MOB1B: variants seen among roughly 807,000 people sequenced by gnomAD.
MOB1B encodes the protein MOB1 Mps One Binder homolog B.
A neutral mutation model predicts 24.4 loss-of-function variants in MOB1B; 19 were observed. That is an observed-to-expected ratio of 0.78 (90% CI 0.54 to 1.14). The LOEUF (loss-of-function observed/expected upper bound fraction) is 1.14, where lower values mean the gene tolerates loss of function less well. Ranked by LOEUF, MOB1B falls within the 50% of genes most tolerant of loss-of-function variation. The pLI is 0.00. For missense variants in MOB1B, 243 were observed against 259.6 expected, an observed-to-expected ratio of 0.94 and a Z score of 0.44; for synonymous variants, 76 against 82.1, an observed-to-expected ratio of 0.93 and a Z score of 0.40.
In MOB1B at chr4:70,976,414, G is replaced by A. The variant is rs930087003; in HGVS notation, c.409+1128G>A. ...CTTACAGATTCAGATATTAAGCTATGTGAGAAGAAAACAAGATTTGAGGGG... is the reference window on the plus strand; with the variant it reads ...CTTACAGATTCAGATATTAAGCTATATGAGAAGAAAACAAGATTTGAGGGG... On this transcript the variant is annotated intron_variant, in intron 4 of 5. Transcript: ENST00000309395. 1.8e-5 allele frequency: 18 copies of A among 985,316 alleles called. No individual in the cohort carries two copies. In the Admixed American group the frequency reaches 8.0e-4, roughly 44 times the overall value. The allele number at this position is 985,316 out of a possible 1,614,324, so 61.0% of individuals were successfully genotyped here.
At chr4:70,902,335 C>A, upstream of MOB1B, 2 of 660,152 alleles carry the variant, frequency 3.0e-6, no homozygotes, top group Non-Finnish European at 5.5e-6. Context: ...TGATTCAAGA[C>A]GAGCGCTACC....
At chr4:70,930,845 G>A (rs1027451911) in intron 1 of MOB1B, among the ~76,000 whole-genome samples, 3 of 151,826 alleles carry the variant, frequency 2.0e-5, no homozygotes, top group Non-Finnish European at 2.9e-5. Flanking sequence ...GGTCAGAGTC[G>A]AAACCCATTC....
rs956590146 is a variant in MOB1B, at chr4:70,967,688, T to C, written c.182-2243T>C. Reference sequence around the variant, plus strand: ...TTATGAATATCTCATCACCAGGAAATAGAGGCCAAAAAAAGAAAAATGAAC... The same window carrying C: ...TTATGAATATCTCATCACCAGGAAACAGAGGCCAAAAAAAGAAAAATGAAC... On this transcript the variant is annotated intron_variant, in intron 2 of 5. Coordinates refer to ENST00000309395, the MANE Select transcript of MOB1B (RefSeq NM_173468.4). Among the ~76,000 whole-genome samples, 6 of 150,018 alleles carry C rather than the reference T, an allele frequency of 4.0e-5. No individual in the cohort carries two copies. In the East Asian group the frequency reaches 9.8e-4, roughly 24 times the overall value.
rs755661973 is a variant in MOB1B, at chr4:70,988,095, GT to G, written c.*6051del. The G allele has an allele frequency of 0.016, 2,311 of 140,588 alleles. 52 individuals are homozygous for G. Among genetic ancestry groups the G allele is most frequent in the African/African-American group, 0.054 (2,081 of 38,688 alleles). The allele number at this position is 140,588 out of a possible 1,614,324, so 8.7% of individuals were successfully genotyped here. The stretch of plus-strand genomic sequence containing the variant: ...GATGGGAAATATTTAAATTCTAGGT[GT>G]TTTTTTTTTTTTAAAGAAGAAACTC... On this transcript the variant is annotated 3_prime_UTR_variant, in exon 6 of 6. Coordinates refer to ENST00000309395, the MANE Select transcript of MOB1B (RefSeq NM_173468.4).
At chr4:70,932,902 A>G (rs755604648) in intron 1 of MOB1B, among the ~76,000 whole-genome samples, 9 of 152,146 alleles carry the variant, frequency 5.9e-5, no homozygotes, top group Admixed American at 3.9e-4. Context: ...ATTTGTATAG[A>G]TGGTTTTGAC....
At position 70,902,530 on chromosome 4, in the gene MOB1B, G is replaced by A. The variant is rs552102674; in HGVS notation, c.-7G>A. The A allele has an allele frequency of 6.4e-7, 1 of 1,564,910 alleles. No individual in the cohort carries two copies. Among genetic ancestry groups the A allele is most frequent in the South Asian group, 1.2e-5 (1 of 85,264 alleles). On this transcript the variant is annotated 5_prime_UTR_variant, in exon 1 of 6. Coordinates refer to ENST00000309395, the MANE Select transcript of MOB1B (RefSeq NM_173468.4). ...CCGCCGAGCCTGCAGCCTGCCCCGCGGCCAACATGAGCTTCTTGTTGTGAG... is the reference window on the plus strand; with the variant it reads ...CCGCCGAGCCTGCAGCCTGCCCCGCAGCCAACATGAGCTTCTTGTTGTGAG...
chr4:70,979,313 T>G (rs1326054353), intron 5 of MOB1B, 22 bp downstream of exon 5: 1 of 1,595,960 alleles, frequency 6.3e-7, no homozygotes, highest in Admixed American at 1.7e-5. Context: ...TAGGAGGCCT[T>G]TGGTGCTCAG....
At chr4:70,954,374 T>C (rs1455816402) in intron 1 of MOB1B, among the ~76,000 whole-genome samples, 1 of 152,258 alleles carries the variant, frequency 6.6e-6, no homozygotes, top group East Asian at 1.9e-4. Flanking sequence ...GAAAGCTAAG[T>C]AATTTGCCTG....
chr4:70,918,670 T>C (rs1215469321), intron 1 of MOB1B, among the ~76,000 whole-genome samples: 2 of 152,166 alleles, frequency 1.3e-5, no homozygotes, highest in African/African-American at 4.8e-5. Context: ...AGTTTTCTTT[T>C]GCTGTGCAGA....
At chr4:70,981,644 C>T (rs184679066) in intron 5 of MOB1B, among the ~76,000 whole-genome samples, 4 of 152,210 alleles carry the variant, frequency 2.6e-5, no homozygotes. Flanking sequence ...AAATGGTGTC[C>T]AGATCATTCC....
chr4:70,972,321 T>A (rs1738791361), intron 3 of MOB1B, among the ~76,000 whole-genome samples: 1 of 152,056 alleles, frequency 6.6e-6, no homozygotes, highest in Admixed American at 6.6e-5. Flanking sequence ...TCAAGAGATC[T>A]TCCCTGCCTC....
intron 5 of MOB1B, among the ~76,000 whole-genome samples, chr4:70,981,076 A>G (rs1198945509): frequency 2.6e-5 from 4 of 152,176 alleles, no homozygotes; most frequent in African/African-American, 9.7e-5. Flanking sequence ...TTAAGGTAGG[A>G]GGATAGAGCA....
intron 1 of MOB1B, among the ~76,000 whole-genome samples, chr4:70,916,325 G>A (rs951856377): frequency 6.6e-6 from 1 of 152,178 alleles, no homozygotes; most frequent in Admixed American, 6.5e-5. Context: ...TTCAGCTCTT[G>A]TCATTTCAGT....
rs1739419969 is a variant in MOB1B at position 70,987,521 on chromosome 4, T to C, written c.*5464T>C. 1 of 152,112 alleles carries C rather than the reference T, an allele frequency of 6.6e-6. No homozygotes were observed. The highest frequency in any genetic ancestry group is 2.1e-4 in the South Asian group (1 of 4,830). The allele number at this position is 152,112 out of a possible 1,614,324, so 9.4% of individuals were successfully genotyped here. ...AGTAGTTTTTTTGGAGCTACTAACT[T>C]GTATTTATTATTGTACATGCATAAC... On this transcript the variant is annotated 3_prime_UTR_variant, in exon 6 of 6. Coordinates refer to ENST00000309395, the MANE Select transcript of MOB1B (RefSeq NM_173468.4).
At position 70,969,929 on chromosome 4, in the gene MOB1B, A is replaced by G; in HGVS notation, c.182-2A>G. ...TACTTACAACTGATACTTGCTTTAC[A>G]GCTGTGGATTTCTTCAATCAGATCA... On this transcript the variant is annotated splice_acceptor_variant, in intron 2 of 5. Coordinates refer to ENST00000309395, the MANE Select transcript of MOB1B (RefSeq NM_173468.4). LOFTEE classifies it high-confidence loss of function. The G allele has an allele frequency of 1.3e-6, 2 of 1,561,430 alleles. No individual in the cohort carries two copies. The highest frequency in any genetic ancestry group is 2.3e-5 in the South Asian group (2 of 86,028).
chr4:70,975,276 A>G lies in MOB1B; in HGVS notation c.399A>G (p.Pro133=), dbSNP rs1441578616. Residue 133 remains proline, a synonymous_variant, in exon 4 of 6, where the codon CCA becomes CCG. Coordinates refer to ENST00000309395, the MANE Select transcript of MOB1B (RefSeq NM_173468.4). ...AGTTGGATGATGAGACGTTATTTCCATCAAAAATTGGTATAATTAATTTTT... is the reference window on the plus strand; with the variant it reads ...AGTTGGATGATGAGACGTTATTTCCGTCAAAAATTGGTATAATTAATTTTT... ...QDQLDDETLF[P]SKIGVPFPKN... 6.2e-7 allele frequency: 1 copy of G among 1,612,168 alleles called. No individual in the cohort carries two copies. Among genetic ancestry groups the G allele is most frequent in the African/African-American group, 1.3e-5 (1 of 74,826 alleles).
At chr4:70,936,590 A>G (rs1454339796) in intron 1 of MOB1B, among the ~76,000 whole-genome samples, 2 of 152,054 alleles carry the variant, frequency 1.3e-5, no homozygotes, top group African/African-American at 4.8e-5. Context: ...GTCCTGCACC[A>G]TAGCTGTCAT....
intron 1 of MOB1B, among the ~76,000 whole-genome samples, chr4:70,916,766 A>T (rs1328477858): frequency 6.6e-6 from 1 of 152,132 alleles, no homozygotes; most frequent in Admixed American, 6.5e-5. Flanking sequence ...ACGGGGTTTC[A>T]CCATGTTGGC....
At chr4:70,911,226 G>C (rs1361884140) in intron 1 of MOB1B, among the ~76,000 whole-genome samples, 1 of 151,822 alleles carries the variant, frequency 6.6e-6, no homozygotes, top group African/African-American at 2.4e-5. Context: ...ACATCATTTT[G>C]AATGGCTGAT....
Sources: gnomAD v4.1 joint callset for allele counts (sites outside exome capture counted in the v4.1 genomes callset) on GRCh38, gnomAD v4.1.1 for gene constraint, MANE v1.5 for transcripts, NCBI Gene and HGNC (gene_info 2026-07-23, HGNC 2026-07-21) for gene names.